C12orf42: variants seen among roughly 807,000 people sequenced by gnomAD.
C12orf42 encodes chromosome 12 open reading frame 42.
In C12orf42, 25 loss-of-function variants were observed where a neutral mutation model predicts 21.6. The observed-to-expected ratio is 1.16, with a 90% CI of 0.84 to 1.62. The LOEUF is 1.62. C12orf42 is among the 40% of genes most tolerant of loss of function. The probability of loss-of-function intolerance (pLI) is 0.00; values close to 1 mark genes in which losing one functional copy is unlikely to be tolerated. For synonymous variants in C12orf42, 174 were observed against 175.0 expected (o/e 0.99, Z 0.05); for missense variants, 483 against 459.3 (o/e 1.05, Z -0.47).
chr12:103,218,250 A>C, the C12orf42 span, among the ~76,000 whole-genome samples: 1 of 150,434 alleles, frequency 6.6e-6, no homozygotes, highest in Non-Finnish European at 1.5e-5. Context: ...AATGAACTCC[A>C]GCCTGGGCAA....
intron 4 of C12orf42, among the ~76,000 whole-genome samples, chr12:103,358,660 C>A (rs780889714): frequency 6.6e-6 from 1 of 151,884 alleles, no homozygotes; most frequent in African/African-American, 2.4e-5. Flanking sequence ...GCCTACCTCA[C>A]CCTTATCTAA....
At chr12:103,415,646 C>T (rs1051299319) in intron 2 of C12orf42, among the ~76,000 whole-genome samples, 7 of 152,088 alleles carry the variant, frequency 4.6e-5, no homozygotes, top group African/African-American at 7.2e-5. Flanking sequence ...AAGATAGCTG[C>T]GGAATAATGT....
At chr12:103,167,112 C>T in the C12orf42 span, among the ~76,000 whole-genome samples, 6 of 152,134 alleles carry the variant, frequency 3.9e-5, no homozygotes, top group Non-Finnish European at 4.4e-5. Context: ...GTTTCTCTGA[C>T]CCTGATAGTC....
intron 10 of C12orf42, among the ~76,000 whole-genome samples, chr12:103,242,351 T>G (rs2033789262): frequency 6.6e-6 from 1 of 152,158 alleles, no homozygotes; most frequent in Non-Finnish European, 1.5e-5. Flanking sequence ...CAATTCAGCC[T>G]CAATTTTTAC....
chr12:103,302,663 T>G, intron 5 of C12orf42, 104 bp from the exon 6 acceptor site: 1 of 920,444 alleles, frequency 1.1e-6, no homozygotes, highest in Admixed American at 2.8e-5. Context: ...ACATTTGTAA[T>G]GTGCTCAGAG....
intron 3 of C12orf42, among the ~76,000 whole-genome samples, chr12:103,386,869 A>G (rs1018300017): frequency 2.0e-5 from 3 of 152,142 alleles, no homozygotes; most frequent in Non-Finnish European, 1.5e-5. Context: ...ATCTCTTGGG[A>G]AAAATCCCTA....
At chr12:103,191,068 G>A in the C12orf42 span, among the ~76,000 whole-genome samples, 1 of 152,174 alleles carries the variant, frequency 6.6e-6, no homozygotes, top group Non-Finnish European at 1.5e-5. Context: ...AGATTTCTCA[G>A]TAGAAAACTT....
chr12:103,256,898 T>C (rs2034643382), intron 10 of C12orf42, among the ~76,000 whole-genome samples: 1 of 152,182 alleles, frequency 6.6e-6, no homozygotes, highest in African/African-American at 2.4e-5. Flanking sequence ...TCCCTTTTTC[T>C]CCACAACCTC....
the C12orf42 span, among the ~76,000 whole-genome samples, chr12:103,208,204 G>A: frequency 2.6e-5 from 4 of 152,192 alleles, no homozygotes; most frequent in Non-Finnish European, 5.9e-5. Context: ...TGCACAAAAG[G>A]TGCGCTGGGG....
In C12orf42 at chr12:103,302,113, G is replaced by A. The variant is rs768011696; in HGVS notation, c.1078C>T (p.His360Tyr). Residue 360 changes from histidine to tyrosine, a missense_variant, in exon 6 of 6, where the codon CAT (histidine) becomes TAT (tyrosine). Physicochemically the swap from His to Tyr is moderately conservative, Grantham distance 83. Coordinates refer to ENST00000548883, the MANE Select transcript of C12orf42 (RefSeq NM_198521.5). ...LSRPVVNAHL[H>Y] ...GAACAATTCCCTCGCAGCGGTCAATGTAAGTGAGCATTCACCACCGGCCTA... is the reference window on the plus strand; with the variant it reads ...GAACAATTCCCTCGCAGCGGTCAATATAAGTGAGCATTCACCACCGGCCTA... 6.3e-7 allele frequency: 1 copy of A among 1,598,964 alleles called. No homozygotes were observed. The highest frequency in any genetic ancestry group is 1.1e-5 in the South Asian group (1 of 89,990).
the C12orf42 span, among the ~76,000 whole-genome samples, chr12:103,183,306 T>C: frequency 6.6e-6 from 1 of 152,200 alleles, no homozygotes; most frequent in Non-Finnish European, 1.5e-5. Flanking sequence ...GGTCTCGATC[T>C]CTTGATGTCA....
the C12orf42 span, among the ~76,000 whole-genome samples, chr12:103,514,912 C>G: frequency 6.6e-6 from 1 of 152,232 alleles, no homozygotes; most frequent in African/African-American, 2.4e-5. Flanking sequence ...TTCTCAGAGA[C>G]CATTTTGCCC....
the C12orf42 span, among the ~76,000 whole-genome samples, chr12:103,051,955 A>G: frequency 1.3e-5 from 2 of 152,218 alleles, no homozygotes; most frequent in Non-Finnish European, 2.9e-5. Context: ...AAATGAAATG[A>G]GATAGTATAA....
chr12:103,240,840 TG>T (rs2033702261), intron 10 of C12orf42, among the ~76,000 whole-genome samples: 1 of 152,194 alleles, frequency 6.6e-6, no homozygotes, highest in Non-Finnish European at 1.5e-5. Context: ...AGTCAGGGAC[TG>T]TGGCTTTCTT....
At chr12:103,074,735 G>A in the C12orf42 span, among the ~76,000 whole-genome samples, 2 of 152,220 alleles carry the variant, frequency 1.3e-5, no homozygotes, top group East Asian at 1.9e-4. Flanking sequence ...TAAAACTAAA[G>A]TAAGGGGCTG....
the C12orf42 span, chr12:103,161,431 C>T: frequency 7.2e-5 from 11 of 152,064 alleles, no homozygotes; most frequent in African/African-American, 2.7e-4. Flanking sequence ...CTACCATCTC[C>T]CTCTCTTGTA....
the C12orf42 span, among the ~76,000 whole-genome samples, chr12:103,205,266 A>G: frequency 2.6e-5 from 4 of 152,344 alleles, no homozygotes; most frequent in East Asian, 1.9e-4. Flanking sequence ...TAATAAAGAC[A>G]TACCCAAACC....
intron 4 of C12orf42, among the ~76,000 whole-genome samples, chr12:103,319,081 C>T (rs1236623213): frequency 1.3e-5 from 2 of 152,138 alleles, no homozygotes; most frequent in Non-Finnish European, 2.9e-5. Flanking sequence ...TCAGAACATA[C>T]ATTTTCTCAC....
At chr12:103,107,469 A>C in the C12orf42 span, among the ~76,000 whole-genome samples, 1 of 152,000 alleles carries the variant, frequency 6.6e-6, no homozygotes, top group Non-Finnish European at 1.5e-5. Flanking sequence ...AATTATAGTT[A>C]GAAACTGCCA....
Sources: gnomAD v4.1 joint callset for allele counts (sites outside exome capture counted in the v4.1 genomes callset) on GRCh38, gnomAD v4.1.1 for gene constraint, MANE v1.5 for transcripts, NCBI Gene and HGNC (gene_info 2026-07-23, HGNC 2026-07-21) for gene names.